ADGRD1: variants seen among roughly 807,000 people sequenced by gnomAD.
The protein encoded by ADGRD1 is adhesion G protein-coupled receptor D1.
ADGRD1 carries 77 observed loss-of-function variants against 113.4 expected under a neutral mutation model. The observed-to-expected ratio is 0.68, with a 90% CI of 0.57 to 0.82. The LOEUF (loss-of-function observed/expected upper bound fraction) is 0.82. Ranked by LOEUF, ADGRD1 falls within the 40% of genes least tolerant of loss-of-function variation. The probability of loss-of-function intolerance (pLI) is 0.00; values close to 1 mark genes in which losing one functional copy is unlikely to be tolerated. For missense variants in ADGRD1, 1,036 were observed against 1,139.1 expected, an observed-to-expected ratio of 0.91 and a Z score of 1.30; for synonymous variants, 474 against 475.0, an observed-to-expected ratio of 1.00 and a Z score of 0.03.
In ADGRD1 at chr12:131,022,592, G is replaced by A. The variant is rs1052801301; in HGVS notation, c.1473+8252G>A. On this transcript the variant is annotated intron_variant, in intron 13 of 24. Transcript: ENST00000261654. This position sits in a 1 kb window ranked among gnomAD's most constrained non-coding sequence, Gnocchi z 4.6. ...TATCATTACGGATTCTGTTGCTCCC[G>A]TTGTCGCGGCCGTGACCGTCGGGAG... Among the ~76,000 whole-genome samples the A allele has an allele frequency of 6.6e-6, 1 of 152,158 alleles. No homozygotes were observed. Among genetic ancestry groups the A allele is most frequent in the Non-Finnish European group, 1.5e-5 (1 of 68,042 alleles).
chr12:131,019,372 C>A (rs2136855454), intron 13 of ADGRD1, among the ~76,000 whole-genome samples: 1 of 152,322 alleles, frequency 6.6e-6, no homozygotes, highest in South Asian at 2.1e-4. Flanking sequence ...ATGCTACCCA[C>A]ACACCACCCT....
chr12:130,974,485 G>T (rs1233088733), intron 4 of ADGRD1, among the ~76,000 whole-genome samples: 2 of 152,180 alleles, frequency 1.3e-5, no homozygotes, highest in Non-Finnish European at 2.9e-5. Context: ...TAAAAATTGT[G>T]AATGATTAGA....
At chr12:131,025,535 G>A (rs1268192574) in intron 13 of ADGRD1, 1 of 150,860 alleles carries the variant, frequency 6.6e-6, no homozygotes, top group Admixed American at 6.6e-5. Flanking sequence ...AGGCTGAGAT[G>A]CCTTCTTTTC....
intron 13 of ADGRD1, among the ~76,000 whole-genome samples, chr12:131,066,890 G>A (rs535694852): frequency 5.9e-5 from 9 of 152,306 alleles, no homozygotes; most frequent in African/African-American, 4.8e-5. Flanking sequence ...AGATCTTTCC[G>A]GGCCCGGGGG....
intron 13 of ADGRD1, among the ~76,000 whole-genome samples, chr12:131,061,870 G>A (rs996505106): frequency 2.6e-5 from 4 of 152,168 alleles, no homozygotes; most frequent in African/African-American, 7.2e-5. Flanking sequence ...ACAGTGGTCT[G>A]TAAATAGAAT....
intron 19 of ADGRD1, among the ~76,000 whole-genome samples, chr12:131,120,047 T>G (rs534173083): frequency 1.3e-5 from 2 of 152,218 alleles, no homozygotes; most frequent in East Asian, 3.9e-4. Context: ...AATGAGATGA[T>G]GGAGTTTGTT....
intron 15 of ADGRD1, among the ~76,000 whole-genome samples, chr12:131,094,010 G>A (rs1249877019): frequency 1.0e-5 from 1 of 96,512 alleles, no homozygotes; most frequent in Non-Finnish European, 2.2e-5. Context: ...TGAGCACCCA[G>A]CCTCAGCACC....
chr12:131,047,738 C>T (rs1247356655), intron 13 of ADGRD1, among the ~76,000 whole-genome samples: 1 of 152,192 alleles, frequency 6.6e-6, no homozygotes, highest in Non-Finnish European at 1.5e-5. Flanking sequence ...AAATTCCCCA[C>T]CTCAGCATTT....
chr12:131,099,862 A>G (rs1727353), intron 15 of ADGRD1, among the ~76,000 whole-genome samples: 86,026 of 151,854 alleles, frequency 0.57, 25,370 homozygotes, highest in East Asian at 0.87. Flanking sequence ...TCTTTTTAGT[A>G]CTCCCCATTG....
At chr12:131,107,204 G>A (rs1732817) in intron 17 of ADGRD1, among the ~76,000 whole-genome samples, 19,678 of 147,656 alleles carry the variant, frequency 0.13, 878 homozygotes, top group Non-Finnish European at 0.18. Flanking sequence ...CCAGGGAAGG[G>A]CTCTGATGGG....
intron 12 of ADGRD1, among the ~76,000 whole-genome samples, chr12:131,008,605 G>A (rs557927163): frequency 6.6e-6 from 1 of 152,282 alleles, no homozygotes; most frequent in South Asian, 2.1e-4. Context: ...GACCACCCAC[G>A]GCCCGGTGGG....
chr12:131,128,316 C>A (rs1192523463), intron 20 of ADGRD1, among the ~76,000 whole-genome samples: 2 of 151,792 alleles, frequency 1.3e-5, no homozygotes, highest in Non-Finnish European at 2.9e-5. Context: ...TTGATGGGAA[C>A]TCTGCACTCA....
At chr12:130,999,735 C>T (rs146839883) in intron 8 of ADGRD1, among the ~76,000 whole-genome samples, 28 of 152,230 alleles carry the variant, frequency 1.8e-4, no homozygotes, top group East Asian at 3.9e-4. Flanking sequence ...AAGCCGGTGC[C>T]GCTCAGCTGT....
At chr12:130,977,458 T>C (rs959070771) in intron 4 of ADGRD1, 10 of 152,370 alleles carry the variant, frequency 6.6e-5, no homozygotes, top group Admixed American at 2.0e-4. Context: ...ACAGGGCCCA[T>C]GAGGCAGCCG....
Position 130,954,654 on chromosome 12 carries a change from C to T in ADGRD1, c.97C>T (p.His33Tyr), listed in dbSNP as rs1259924491. ...TGGCGTCTACTCCAGATCGCAGGAC[C>T]ATCCAGGTAAGAGTGTTTCCTTCTC... Reference protein sequence around the residue: ...VRGVYSRSQDHPGFQVLASAS... With the variant: ...VRGVYSRSQDYPGFQVLASAS... Residue 33 changes from histidine (H) to tyrosine (Y), a missense_variant, in exon 2 of 25, where the codon CAT becomes TAT. Physicochemically the swap from His to Tyr is moderately conservative, Grantham distance 83. Transcript: ENST00000261654. The surrounding 1 kb of genome is among the most constrained non-coding windows in gnomAD (Gnocchi z 4.7). 6.2e-7 allele frequency: 1 copy of T among 1,612,888 alleles called. No homozygotes were observed. The highest frequency in any genetic ancestry group is 8.5e-7 in the Non-Finnish European group (1 of 1,179,826).
intron 13 of ADGRD1, among the ~76,000 whole-genome samples, chr12:131,017,240 A>G (rs1878669272): frequency 6.6e-6 from 1 of 151,918 alleles, no homozygotes; most frequent in South Asian, 2.1e-4. Context: ...ACACACACCC[A>G]GTCCACATAC....
chr12:131,123,546 GCGCGGTGGCTCA>G (rs1402605904), intron 20 of ADGRD1, among the ~76,000 whole-genome samples: 1 of 151,750 alleles, frequency 6.6e-6, no homozygotes, highest in Non-Finnish European at 1.5e-5. Context: ...TTCAGGCTGG[GCGCGGTGGCTCA>G]CGCCTGTAAT....
intron 15 of ADGRD1, among the ~76,000 whole-genome samples, chr12:131,101,092 G>A (rs1471953124): frequency 2.6e-5 from 4 of 152,130 alleles, no homozygotes; most frequent in Non-Finnish European, 5.9e-5. Context: ...CCGTGTCCCT[G>A]GGGGAGAGAC....
intron 24 of ADGRD1, among the ~76,000 whole-genome samples, chr12:131,138,823 C>T (rs1415877863): frequency 2.0e-5 from 3 of 152,216 alleles, no homozygotes; most frequent in Admixed American, 6.5e-5. Context: ...GTGTGTGGCA[C>T]GCTCCATGAG....
Sources: allele counts gnomAD v4.1 joint callset (sites outside exome capture counted in the v4.1 genomes callset), GRCh38; gene constraint gnomAD v4.1.1; non-coding constraint Gnocchi (gnomAD v3.1); transcripts MANE v1.5; gene names NCBI Gene and HGNC (gene_info 2026-07-23, HGNC 2026-07-21).